ANKRD28: variants seen among roughly 807,000 people sequenced by gnomAD.
ANKRD28 encodes the protein serine/threonine-protein phosphatase 6 regulatory ankyrin repeat subunit A.
In ANKRD28, 44 loss-of-function variants were observed where a neutral mutation model predicts 126.5. The ratio of observed to expected loss-of-function variants is 0.35; its 90% CI spans 0.27 to 0.45. The LOEUF is 0.45. ANKRD28 is among the 20% of genes least tolerant of loss of function. The pLI, the probability that ANKRD28 is intolerant of heterozygous loss-of-function variation, is 1.00. For synonymous variants in ANKRD28, 442 were observed against 468.5 expected, an observed-to-expected ratio of 0.94 and a Z score of 0.73; for missense variants, 1,110 against 1,316.6, an observed-to-expected ratio of 0.84 and a Z score of 2.43.
At chr3:15,772,539 T>C (rs904962436) in intron 2 of ANKRD28, among the ~76,000 whole-genome samples, 10 of 152,186 alleles carry the variant, frequency 6.6e-5, no homozygotes, top group East Asian at 1.9e-4. Flanking sequence ...CACGACCAAC[T>C]GGAGTTTATT....
intron 14 of ANKRD28, among the ~76,000 whole-genome samples, chr3:15,699,293 T>C (rs1316173814): frequency 8.5e-5 from 13 of 152,086 alleles, no homozygotes. Context: ...AAAACCCTAT[T>C]AGAAAACCTA....
intron 1 of ANKRD28, 149 bp from the exon 2 acceptor site, chr3:15,795,455 G>A: frequency 2.0e-6 from 1 of 502,002 alleles, no homozygotes; most frequent in Non-Finnish European, 3.5e-6. Context: ...ACCAAATCAT[G>A]TCAAAGTACA....
At position 15,694,764 on chromosome 3, in the gene ANKRD28, G is replaced by C. The variant is rs370968562; in HGVS notation, c.1736C>G (p.Ala579Gly). ...AGCCAAGTGTAAAGGGCTTATTGTT[G>C]CTCTATTATCTGAATCACTCAGCAT... ...TDMLSDSDNR[A>G]TISPLHLAAY... The change falls in exon 17 of 28, where the codon GCA becomes GGA. Residue 579 changes from alanine (A) to glycine (G), a missense_variant. Ala to Gly is a moderately conservative substitution (Grantham distance 60, BLOSUM62 0). Coordinates refer to ENST00000683139, the MANE Select transcript of ANKRD28 (RefSeq NM_001349278.2). The C allele has an allele frequency of 4.3e-6, 7 of 1,613,308 alleles. No homozygotes were observed. The East Asian group carries it at 1.1e-4, about 26-fold the overall frequency.
At chr3:15,828,039 T>C (rs569925879) in intron 1 of ANKRD28, among the ~76,000 whole-genome samples, 18 of 152,240 alleles carry the variant, frequency 1.2e-4, no homozygotes, top group African/African-American at 3.6e-4. Flanking sequence ...TACACGAGAA[T>C]AGCTATTATT....
At chr3:15,686,431 G>T (rs2068136394) in intron 18 of ANKRD28, 122 bp from the exon 19 acceptor site, 7 of 754,030 alleles carry the variant, frequency 9.3e-6, no homozygotes, top group South Asian at 9.0e-5. Context: ...TAATATGCAA[G>T]AATGAAAACT....
At position 15,845,768 on chromosome 3, in the gene ANKRD28, C is replaced by T. The variant is rs1374543234; in HGVS notation, c.27+13609G>A. Among the ~76,000 whole-genome samples the T allele has an allele frequency of 6.6e-6, 1 of 152,092 alleles. No homozygotes were observed. The highest frequency in any genetic ancestry group is 1.5e-5 in the Non-Finnish European group (1 of 68,018). On this transcript the variant is annotated intron_variant, in intron 1 of 27. Transcript: ENST00000399451. The surrounding 1 kb of genome is among the most constrained non-coding windows in gnomAD (Gnocchi z 4.9). ...TCCACAGGCTTAATAAGAAGTATGA[C>T]TCAAGAAACTTAGAATCACGGTGGA... is the stretch of plus-strand genomic sequence containing the variant.
intron 27 of ANKRD28, among the ~76,000 whole-genome samples, chr3:15,672,212 C>T (rs1453475404): frequency 2.0e-5 from 3 of 148,430 alleles, no homozygotes; most frequent in Non-Finnish European, 4.4e-5. Context: ...GTATAATGAT[C>T]ATGCTCACTG....
In ANKRD28 at chr3:15,797,780, A is replaced by G; in HGVS notation, c.-1259T>C. 1.1e-5 allele frequency: 11 copies of G among 985,426 alleles called. No individual in the cohort carries two copies. Among genetic ancestry groups the G allele is most frequent in the Non-Finnish European group, 1.2e-5 (10 of 829,942 alleles). 61.0% of individuals were successfully genotyped at this position (985,426 alleles called of 1,614,324 possible). A position where few individuals can be genotyped will look rare whatever the true frequency, so the allele number is the denominator to read the frequency against. ...CCACAGTTATCCTTTTCAGATTTCA[A>G]ATGCTTTCCTGTTCCTCAGATGATC... is the stretch of plus-strand genomic sequence containing the variant. On this transcript the variant is annotated 5_prime_UTR_variant, in exon 1 of 28. Transcript: ENST00000683139.
rs1243068988 is a variant in ANKRD28, at chr3:15,815,059, T to G, written c.28-19753A>C. ...GTATTTAATTTCCTAAGAGTAAATA[T>G]TTGGGTTGCTTCTATTTTAAAATTC... On this transcript the variant is annotated intron_variant, in intron 1 of 27. Transcript: ENST00000399451. The surrounding 1 kb of genome is among the most constrained non-coding windows in gnomAD (Gnocchi z 4.1). Among the ~76,000 whole-genome samples the G allele has an allele frequency of 6.6e-6, 1 of 151,558 alleles. No individual in the cohort carries two copies. The highest frequency in any genetic ancestry group is 2.4e-5 in the African/African-American group (1 of 41,372).
upstream of ANKRD28, among the ~76,000 whole-genome samples, chr3:15,798,850 C>G (rs549348717): frequency 6.6e-6 from 1 of 151,998 alleles, no homozygotes; most frequent in Non-Finnish European, 1.5e-5. Context: ...CCATGGTCCC[C>G]CTTCAATCTG....
intron 4 of ANKRD28, among the ~76,000 whole-genome samples, chr3:15,746,050 A>G (rs754264589): frequency 2.0e-5 from 3 of 152,184 alleles, no homozygotes; most frequent in African/African-American, 4.8e-5. Context: ...ATTTGTGTAC[A>G]TTAATTTTGT....
chr3:15,724,418 G>A lies in ANKRD28; in HGVS notation c.747C>T (p.Ile249=). 1 of 1,607,232 alleles carries A rather than the reference G, an allele frequency of 6.2e-7. No individual in the cohort carries two copies. Among genetic ancestry groups the A allele is most frequent in the Non-Finnish European group, 8.5e-7 (1 of 1,176,562 alleles). The change falls in exon 7 of 28, where the codon ATC becomes ATT. Residue 249 remains isoleucine (I), a synonymous_variant. Transcript: ENST00000683139. ...GATCTAGAAGGTACTTGACTACGCT[G>A]ATCATTCCACTAGAGGCTGCTGCAT... ...PLHAAASSGM[I]SVVKYLLDLG...
In ANKRD28 at chr3:15,685,284, T is replaced by G. The variant is rs1379625700; in HGVS notation, c.2331A>C (p.Ala777=). 3.1e-6 allele frequency: 5 copies of G among 1,614,038 alleles called. No homozygotes were observed. Among genetic ancestry groups the G allele is most frequent in the Non-Finnish European group, 4.2e-6 (5 of 1,179,890 alleles). ...ALLQSAASMD[A]NPATADNHGY... ...CATGATTGTCTGCTGTGGCTGGATT[T>G]GCATCCATAGATGCTGCTGACTGCA... Residue 777 remains alanine (A), a synonymous_variant, in exon 21 of 28, where the codon GCA becomes GCC. Coordinates refer to ENST00000683139, the MANE Select transcript of ANKRD28 (RefSeq NM_001349278.2).
At position 15,686,652 on chromosome 3, in the gene ANKRD28, C is replaced by G. The variant is rs2125775457; in HGVS notation, c.1964-343G>C. Among the ~76,000 whole-genome samples the G allele has an allele frequency of 1.3e-5, 2 of 152,228 alleles. 1 individual carries two copies. The highest frequency in any genetic ancestry group is 4.1e-4 in the South Asian group (2 of 4,826). The stretch of plus-strand genomic sequence containing the variant: ...CAAAGGGATGATACCATGATTAGAC[C>G]AAGTCAATCACAAGAACCCCATTCT... On this transcript the variant is annotated intron_variant, in intron 18 of 27. Coordinates refer to ENST00000683139, the MANE Select transcript of ANKRD28 (RefSeq NM_001349278.2).
chr3:15,752,161 A>T (rs977540938), intron 3 of ANKRD28, among the ~76,000 whole-genome samples: 2 of 152,190 alleles, frequency 1.3e-5, no homozygotes, highest in Non-Finnish European at 2.9e-5. Flanking sequence ...ATAAATGAAT[A>T]TAAGAATATA....
chr3:15,760,002 A>T (rs1299763323), intron 3 of ANKRD28, among the ~76,000 whole-genome samples: 1 of 152,208 alleles, frequency 6.6e-6, no homozygotes, highest in African/African-American at 2.4e-5. Context: ...CATCTTTATT[A>T]ATTTTTTACC....
chr3:15,710,874 T>C (rs1387595320), intron 12 of ANKRD28, among the ~76,000 whole-genome samples: 1 of 152,208 alleles, frequency 6.6e-6, no homozygotes, highest in Non-Finnish European at 1.5e-5. Flanking sequence ...AGAGTACTTG[T>C]ATTATTCAGA....
chr3:15,837,444 GT>G (rs1000701480), intron 1 of ANKRD28, among the ~76,000 whole-genome samples: 3 of 151,862 alleles, frequency 2.0e-5, no homozygotes, highest in Admixed American at 1.3e-4. Context: ...ACAAAAAAAT[GT>G]TTTTCAATCA....
At chr3:15,756,315 A>AT (rs1305028403) in intron 3 of ANKRD28, among the ~76,000 whole-genome samples, 1 of 152,222 alleles carries the variant, frequency 6.6e-6, no homozygotes, top group African/African-American at 2.4e-5. Context: ...AACCCAGCTA[A>AT]TCAGTTTCCT....
Sources: gnomAD v4.1 joint callset for allele counts (sites outside exome capture counted in the v4.1 genomes callset) on GRCh38, gnomAD v4.1.1 for gene constraint, Gnocchi (gnomAD v3.1) non-coding constraint, MANE v1.5 for transcripts, NCBI Gene and HGNC (gene_info 2026-07-23, HGNC 2026-07-21) for gene names.